Variants in DNAH6 observed in about 807,000 individuals in gnomAD.
The protein encoded by DNAH6 is dynein axonemal heavy chain 6.
Under a neutral mutation model 491.4 loss-of-function variants are expected in DNAH6, and 340 were observed. That is an observed-to-expected ratio of 0.69 (90% CI 0.63 to 0.76). The LOEUF (loss-of-function observed/expected upper bound fraction) is 0.76, where lower values mean the gene tolerates loss of function less well. DNAH6 is among the 30% of genes least tolerant of loss of function. The probability of loss-of-function intolerance (pLI) is 0.00; values close to 1 mark genes in which losing one functional copy is unlikely to be tolerated. For synonymous variants in DNAH6, 1,603 were observed against 1,686.1 expected (o/e 0.95, Z 1.21); for missense variants, 4,443 against 4,972.2 (o/e 0.89, Z 3.20).
At chr2:84,815,507 AAGAG>A (rs1223374731) in intron 75 of DNAH6, among the ~76,000 whole-genome samples, 2 of 152,240 alleles carry the variant, frequency 1.3e-5, no homozygotes, top group Non-Finnish European at 2.9e-5. Context: ...ATTTTTAAAA[AAGAG>A]AGAAAGAACA....
At chr2:84,803,660 C>T (rs1438392333) in intron 70 of DNAH6, among the ~76,000 whole-genome samples, 2 of 151,624 alleles carry the variant, frequency 1.3e-5, no homozygotes, top group Non-Finnish European at 2.9e-5. Context: ...TATTTAAATA[C>T]TTAAAGTGCA....
intron 39 of DNAH6, among the ~76,000 whole-genome samples, chr2:84,670,851 TC>T (rs1431324631): frequency 6.6e-6 from 1 of 152,248 alleles, no homozygotes; most frequent in African/African-American, 2.4e-5. Flanking sequence ...TTTGGTTTTT[TC>T]TTCAGTCAGT....
Position 84,633,829 on chromosome 2 carries a change from T to C in DNAH6, c.4516-675T>C, listed in dbSNP as rs1553450173. Among the ~76,000 whole-genome samples, 2 of 152,226 alleles carry C rather than the reference T, an allele frequency of 1.3e-5. 1 individual carries two copies. Among genetic ancestry groups the C allele is most frequent in the Middle Eastern group, 6.8e-3 (2 of 294 alleles). ...CAGATCTATCAGCCTTTCTGTGATT[T>C]GTGGGAATCGGAGGAAGGGGGGAAG... On this transcript the variant is annotated intron_variant, in intron 29 of 76. Transcript: ENST00000389394.
chr2:84,780,993 G>A (rs186575113), intron 64 of DNAH6, among the ~76,000 whole-genome samples: 1 of 152,292 alleles, frequency 6.6e-6, no homozygotes, highest in Admixed American at 6.5e-5. Flanking sequence ...GGGATAAGGA[G>A]GGGTACTGTT....
At chr2:84,575,390 G>C (rs1430362339) in intron 12 of DNAH6, among the ~76,000 whole-genome samples, 2 of 152,088 alleles carry the variant, frequency 1.3e-5, no homozygotes, top group African/African-American at 4.8e-5. Flanking sequence ...ACACTTTACT[G>C]AGCACTTACA....
intron 37 of DNAH6, among the ~76,000 whole-genome samples, chr2:84,667,607 T>G (rs1394238771): frequency 6.6e-6 from 1 of 152,112 alleles, no homozygotes; most frequent in Admixed American, 6.6e-5. Flanking sequence ...CTGGAAAGGA[T>G]GTGGAGAAAT....
chr2:84,695,946 T>C (rs892203178), intron 46 of DNAH6, among the ~76,000 whole-genome samples: 20 of 151,990 alleles, frequency 1.3e-4, no homozygotes, highest in African/African-American at 4.8e-4. Flanking sequence ...TCAAATGTTC[T>C]ACAATAATGA....
At chr2:84,613,967 A>T (rs1686582032) in intron 22 of DNAH6, among the ~76,000 whole-genome samples, 2 of 152,038 alleles carry the variant, frequency 1.3e-5, no homozygotes, top group South Asian at 4.2e-4. Context: ...TTTTCAGTTA[A>T]CTTAGTACTT....
chr2:84,705,952 C>G (rs1023997343), intron 52 of DNAH6, among the ~76,000 whole-genome samples: 20 of 152,200 alleles, frequency 1.3e-4, no homozygotes, highest in Middle Eastern at 6.8e-3. Context: ...ATAAGAGGAA[C>G]ATGAGTTCCT....
At chr2:84,687,959 G>T (rs569800022) in intron 44 of DNAH6, among the ~76,000 whole-genome samples, 1 of 152,204 alleles carries the variant, frequency 6.6e-6, no homozygotes, top group Non-Finnish European at 1.5e-5. Flanking sequence ...ACCAGGTCGG[G>T]CGCAGTGTCT....
chr2:84,484,202 G>A, the DNAH6 span, among the ~76,000 whole-genome samples: 1 of 152,062 alleles, frequency 6.6e-6, no homozygotes, highest in East Asian at 1.9e-4. Context: ...CAGGATATAT[G>A]AGGCAGAAAG....
chr2:84,738,512 A>G (rs1172529581), intron 62 of DNAH6, among the ~76,000 whole-genome samples: 1 of 152,136 alleles, frequency 6.6e-6, no homozygotes, highest in Non-Finnish European at 1.5e-5. Context: ...TTGTTTTATA[A>G]GTCTGGGTAC....
rs369733092 is a variant in DNAH6 at position 84,525,498 on chromosome 2, T to C, written c.226-67T>C. 206 of 1,428,252 alleles carry C rather than the reference T, an allele frequency of 1.4e-4. 2 individuals carry two copies. In the African/African-American group the frequency reaches 2.6e-3, roughly 18 times the overall value. 88.5% of individuals were successfully genotyped at this position (1,428,252 alleles called of 1,614,324 possible). ...TCCAACAGGAGAAAGAGTCCAAAGG[T>C]AGTGAAAAATAAAACAAGTTTATAC... On this transcript the variant is annotated intron_variant, in intron 2 of 76. Transcript: ENST00000389394.
At position 84,637,309 on chromosome 2, in the gene DNAH6, C is replaced by T. The variant is rs1384393727; in HGVS notation, c.4753C>T (p.Pro1585Ser). Reference protein sequence around the residue: ...NPGYAGRTELPDNLKALFRPF... With the variant: ...NPGYAGRTELSDNLKALFRPF... ...TGGCTATGCAGGGAGAACTGAATTG[C>T]CAGATAATTTGAAAGCCCTGTTTAG... is the stretch of plus-strand genomic sequence containing the variant. The change falls in exon 31 of 77, where the codon CCA (proline) becomes TCA (serine). Residue 1585 changes from proline to serine, a missense_variant. Physicochemically the swap from Pro to Ser is moderately conservative, Grantham distance 74 (BLOSUM62 -1). This residue lies in a region of DNAH6 where 2,977 missense variants were observed against 3,296.6 expected (regional missense o/e 0.90). Coordinates refer to ENST00000389394, the MANE Select transcript of DNAH6 (RefSeq NM_001370.2). 1.3e-6 allele frequency: 2 copies of T among 1,551,272 alleles called. No homozygotes were observed. Among genetic ancestry groups the T allele is most frequent in the South Asian group, 2.4e-5 (2 of 83,986 alleles).
intron 62 of DNAH6, among the ~76,000 whole-genome samples, chr2:84,742,450 G>A (rs1672613635): frequency 6.6e-6 from 1 of 152,082 alleles, no homozygotes; most frequent in Admixed American, 6.6e-5. Context: ...AGACATTTTT[G>A]TTTGCCACAA....
intron 11 of DNAH6, among the ~76,000 whole-genome samples, chr2:84,565,620 G>A (rs1681118173): frequency 2.0e-5 from 3 of 151,826 alleles, no homozygotes; most frequent in African/African-American, 7.2e-5. Context: ...GGAGTGCTGG[G>A]TTTAAGTCCT....
intron 65 of DNAH6, among the ~76,000 whole-genome samples, chr2:84,783,777 A>G (rs187311745): frequency 0.014 from 2,148 of 152,324 alleles, 25 homozygotes; most frequent in Non-Finnish European, 0.02. Flanking sequence ...AATAAACCAC[A>G]TGGTAAATAA....
chr2:84,639,356 TC>T (rs1428652916), intron 31 of DNAH6, among the ~76,000 whole-genome samples: 2 of 152,098 alleles, frequency 1.3e-5, no homozygotes, highest in Non-Finnish European at 2.9e-5. Context: ...GAAAGTCTAG[TC>T]TTCTGAGTGC....
At chr2:84,558,678 A>G (rs1188206415) in intron 11 of DNAH6, among the ~76,000 whole-genome samples, 1 of 152,202 alleles carries the variant, frequency 6.6e-6, no homozygotes, top group Non-Finnish European at 1.5e-5. Context: ...CTCAAATGCA[A>G]GCACTAACTA....
Sources: gnomAD v4.1 joint callset for allele counts (sites outside exome capture counted in the v4.1 genomes callset) on GRCh38, gnomAD v4.1.1 for gene constraint, gnomAD v4.1.1 regional missense constraint, MANE v1.5 for transcripts, NCBI Gene and HGNC (gene_info 2026-07-23, HGNC 2026-07-21) for gene names.